PIH1D2: variants seen among roughly 807,000 people sequenced by gnomAD.
PIH1D2 encodes the protein PIH1 domain-containing protein 2.
Under a neutral mutation model 31.2 loss-of-function variants are expected in PIH1D2, and 25 were observed. The ratio of observed to expected loss-of-function variants is 0.80; its 90% CI spans 0.58 to 1.12. PIH1D2 has a LOEUF of 1.12. Among genes scored for constraint, PIH1D2 ranks in the 50% most tolerant of loss-of-function variants. PIH1D2 has a pLI of 0.00. For missense variants in PIH1D2, 310 were observed against 356.6 expected (o/e 0.87, Z 1.05); for synonymous variants, 116 against 119.9 (o/e 0.97, Z 0.21).
chr11:112,068,732 T>C (rs587684991), intron 5 of PIH1D2, among the ~76,000 whole-genome samples: 4 of 152,074 alleles, frequency 2.6e-5, no homozygotes, highest in East Asian at 1.9e-4. Context: ...TGCAGTAAGC[T>C]GAGATGGTGC....
downstream of PIH1D2, chr11:112,062,708 C>T (rs782415236): frequency 2.2e-5 from 16 of 714,268 alleles, no homozygotes; most frequent in Non-Finnish European, 3.2e-5. Context: ...ATGCCGATTA[C>T]ACCCAAATAT....
At chr11:112,053,737 G>A in the PIH1D2 span, among the ~76,000 whole-genome samples, 1 of 152,156 alleles carries the variant, frequency 6.6e-6, no homozygotes, top group African/African-American at 2.4e-5. Flanking sequence ...ACAGGTGTGA[G>A]CTACCACGCC....
At chr11:112,059,353 C>CTT (rs1229235062), downstream of PIH1D2, among the ~76,000 whole-genome samples, 7 of 130,648 alleles carry the variant, frequency 5.4e-5, no homozygotes, top group East Asian at 2.2e-4. Context: ...ATTTCTCATT[C>CTT]TTTTTTTTTT....
rs148760956 is a variant in PIH1D2, at chr11:112,072,549, CAAAAAA to C, written c.177+443_177+448del. On this transcript the variant is annotated intron_variant, in intron 2 of 5. Coordinates refer to ENST00000280350, the MANE Select transcript of PIH1D2 (RefSeq NM_138789.4). Reference sequence around the variant, plus strand: ...CGACAGAGCCAGCAAGACCCTATCTCAAAAAAAAAAAAAAAAAAAAAAAAAAAAAGT... The same window carrying C: ...CGACAGAGCCAGCAAGACCCTATCTCAAAAAAAAAAAAAAAAAAAAAAAGT... 2.2e-4 allele frequency among the ~76,000 whole-genome samples: 8 copies of C among 36,358 alleles called. No individual in the cohort carries two copies. In the East Asian group the frequency reaches 3.7e-3, roughly 17 times the overall value. 23.9% of individuals were successfully genotyped at this position (36,358 alleles called of 152,430 possible).
At chr11:112,065,495 G>A (rs1370069903), downstream of PIH1D2, among the ~76,000 whole-genome samples, 4 of 152,144 alleles carry the variant, frequency 2.6e-5, no homozygotes, top group African/African-American at 9.7e-5. Context: ...GTAAAGATAA[G>A]GTGAAGGCAC....
chr11:112,063,179 A>C (rs1469686894), downstream of PIH1D2: 5 of 152,308 alleles, frequency 3.3e-5, no homozygotes, highest in South Asian at 8.3e-4. Context: ...CCCCTACTTG[A>C]GATAATCTAA....
At chr11:112,059,756 T>C (rs1555182977), downstream of PIH1D2, 2 of 628,082 alleles carry the variant, frequency 3.2e-6, no homozygotes, top group East Asian at 2.9e-5. Flanking sequence ...AAAATTAGGA[T>C]AGACATCTTA....
chr11:112,060,131 T>G, downstream of PIH1D2: 1 of 1,415,222 alleles, frequency 7.1e-7, no homozygotes, highest in African/African-American at 1.4e-5. Flanking sequence ...ATTTATTGCA[T>G]TTTTCACCTT....
At chr11:112,053,599 T>C in the PIH1D2 span, among the ~76,000 whole-genome samples, 2 of 151,830 alleles carry the variant, frequency 1.3e-5, no homozygotes, top group Non-Finnish European at 2.9e-5. Context: ...ATTACAGGCA[T>C]GCGCCACCAC....
At chr11:112,073,630 G>A (rs1345742712) in intron 1 of PIH1D2, among the ~76,000 whole-genome samples, 1 of 151,982 alleles carries the variant, frequency 6.6e-6, no homozygotes, top group African/African-American at 2.4e-5. Context: ...CCTAGATTCC[G>A]GTCTTAGTTC....
downstream of PIH1D2, among the ~76,000 whole-genome samples, chr11:112,066,821 G>A (rs1044195246): frequency 3.3e-5 from 5 of 151,994 alleles, no homozygotes; most frequent in Non-Finnish European, 5.9e-5. Flanking sequence ...CCAGCACTTT[G>A]CGAGGCTGAG....
chr11:112,070,131 C>A (rs1865063153), intron 5 of PIH1D2: 1 of 532,388 alleles, frequency 1.9e-6, no homozygotes, highest in Non-Finnish European at 3.3e-6. Context: ...TGAGAATACA[C>A]TTCTCAGTCC....
downstream of PIH1D2, chr11:112,061,312 A>T: frequency 1.2e-6 from 1 of 848,156 alleles, no homozygotes; most frequent in Admixed American, 1.9e-5. Context: ...CTGATATGAT[A>T]TGATGTAATA....
intron 2 of PIH1D2, 62 bp from the exon 3 acceptor site, chr11:112,071,820 T>C: frequency 6.4e-7 from 1 of 1,569,504 alleles, no homozygotes; most frequent in South Asian, 1.1e-5. Context: ...AGGCCAGGCA[T>C]GGTGGCTCCC....
intron 5 of PIH1D2, among the ~76,000 whole-genome samples, chr11:112,069,264 A>G (rs1428191385): frequency 3.3e-5 from 5 of 151,976 alleles, no homozygotes; most frequent in African/African-American, 1.2e-4. Flanking sequence ...TCGGCCTCCC[A>G]AAATCCTAGG....
At chr11:112,052,953 C>A in the PIH1D2 span, among the ~76,000 whole-genome samples, 1 of 152,176 alleles carries the variant, frequency 6.6e-6, no homozygotes, top group East Asian at 1.9e-4. Context: ...TCAGGAAATT[C>A]CGGTTCTAGG....
the PIH1D2 span, among the ~76,000 whole-genome samples, chr11:112,056,294 A>G: frequency 4.6e-5 from 7 of 152,224 alleles, no homozygotes; most frequent in South Asian, 4.1e-4. Context: ...ATCTAATTTT[A>G]GAAATTTTCA....
chr11:112,059,245 T>G (rs2846623), downstream of PIH1D2, among the ~76,000 whole-genome samples: 1 of 152,106 alleles, frequency 6.6e-6, no homozygotes, highest in Non-Finnish European at 1.5e-5. Flanking sequence ...GAGTTCTGAT[T>G]GGTGGGGTTT....
intron 5 of PIH1D2, chr11:112,069,995 C>T: frequency 5.2e-6 from 1 of 191,054 alleles, no homozygotes; most frequent in South Asian, 1.3e-4. Flanking sequence ...AGGTGTTTTC[C>T]TTCCAGAAAG....
Sources: allele counts gnomAD v4.1 joint callset (sites outside exome capture counted in the v4.1 genomes callset), GRCh38; gene constraint gnomAD v4.1.1; transcripts MANE v1.5; gene names NCBI Gene and HGNC (gene_info 2026-07-23, HGNC 2026-07-21).